GPC5: variants seen among roughly 807,000 people sequenced by gnomAD.
GPC5 encodes the protein glypican 5.
GPC5 carries 47 observed loss-of-function variants against 53.9 expected under a neutral mutation model. That is an observed-to-expected ratio of 0.87 (90% CI 0.69 to 1.11). GPC5 has a LOEUF of 1.11. GPC5 is among the 50% of genes most tolerant of loss of function. The pLI is 0.00. For synonymous variants in GPC5, 286 were observed against 263.3 expected (o/e 1.09, Z -0.84); for missense variants, 748 against 713.1 (o/e 1.05, Z -0.56).
chr13:91,972,401 G>T (rs1433589680), intron 6 of GPC5, among the ~76,000 whole-genome samples: 1 of 152,062 alleles, frequency 6.6e-6, no homozygotes, highest in African/African-American at 2.4e-5. Context: ...GCACACTGAT[G>T]GGTCTTGACT....
intron 1 of GPC5, among the ~76,000 whole-genome samples, chr13:91,412,140 C>T (rs559905036): frequency 1.3e-5 from 2 of 152,232 alleles, no homozygotes; most frequent in African/African-American, 2.4e-5. Flanking sequence ...TCCCCACCTA[C>T]GCTGTCAATT....
chr13:91,776,516 A>C (rs2037713354), intron 5 of GPC5, among the ~76,000 whole-genome samples: 1 of 152,202 alleles, frequency 6.6e-6, no homozygotes, highest in South Asian at 2.1e-4. Context: ...AACTCTATTA[A>C]AGAGGTGTCA....
chr13:92,114,682 C>G (rs1566441201), intron 6 of GPC5, among the ~76,000 whole-genome samples: 2 of 152,190 alleles, frequency 1.3e-5, no homozygotes, highest in African/African-American at 4.8e-5. Context: ...TACCTGGCCA[C>G]ACAGATACAC....
intron 2 of GPC5, among the ~76,000 whole-genome samples, chr13:91,586,901 C>T (rs146688901): frequency 6.6e-6 from 1 of 151,794 alleles, no homozygotes; most frequent in Non-Finnish European, 1.5e-5. Flanking sequence ...AATGTAAATA[C>T]ATTTAGACAT....
intron 7 of GPC5, among the ~76,000 whole-genome samples, chr13:92,444,178 A>C (rs1029161462): frequency 7.2e-5 from 11 of 152,316 alleles, no homozygotes; most frequent in African/African-American, 2.4e-4. Flanking sequence ...TTTTAAATAC[A>C]TACATAGGTA....
chr13:92,536,336 T>TA (rs1881721517), intron 7 of GPC5, among the ~76,000 whole-genome samples: 1 of 152,114 alleles, frequency 6.6e-6, no homozygotes, highest in Non-Finnish European at 1.5e-5. Context: ...TGTATACCAA[T>TA]AAAAAGTAGA....
At chr13:92,863,991 A>G (rs1317708910) in intron 7 of GPC5, among the ~76,000 whole-genome samples, 1 of 152,214 alleles carries the variant, frequency 6.6e-6, no homozygotes, top group Non-Finnish European at 1.5e-5. Context: ...TAATGTATTA[A>G]TACAATAAAT....
chr13:91,436,690 A>T (rs1390242749), intron 1 of GPC5, among the ~76,000 whole-genome samples: 1 of 152,160 alleles, frequency 6.6e-6, no homozygotes, highest in Admixed American at 6.5e-5. Flanking sequence ...AGTTCTGTAG[A>T]TGTCTGTTAG....
chr13:92,031,691 TATATA>T lies in GPC5; in HGVS notation c.1402-113133_1402-113129del, dbSNP rs71113783. 1.9e-3 allele frequency among the ~76,000 whole-genome samples: 68 copies of T among 36,718 alleles called. 5 individuals carry two copies. The highest frequency in any genetic ancestry group is 8.1e-3 in the African/African-American group (64 of 7,950). The allele number at this position is 36,718 out of a possible 152,430, so 24.1% of individuals were successfully genotyped here. ...TGGTATATATAATATATATATAGTA[TATATA>T]ATATATTATATATATTACATATATG... On this transcript the variant is annotated intron_variant, in intron 6 of 7. Transcript: ENST00000377067.
intron 6 of GPC5, among the ~76,000 whole-genome samples, chr13:91,978,924 T>C (rs2040332745): frequency 1.3e-5 from 2 of 152,048 alleles, no homozygotes; most frequent in Admixed American, 1.3e-4. Context: ...TTTGAGAAAG[T>C]ATTGACAGAA....
chr13:91,603,701 C>CT (rs536509587), intron 2 of GPC5, among the ~76,000 whole-genome samples: 11 of 151,778 alleles, frequency 7.2e-5, no homozygotes, highest in Non-Finnish European at 1.5e-4. Context: ...GTCATTTACT[C>CT]TTTTTTTTCA....
intron 5 of GPC5, among the ~76,000 whole-genome samples, chr13:91,788,741 A>G (rs1486498450): frequency 6.6e-6 from 1 of 152,216 alleles, no homozygotes; most frequent in Non-Finnish European, 1.5e-5. Context: ...TGTTAAGTGT[A>G]TAAATAGAGG....
At chr13:92,583,421 G>T (rs1323732454) in intron 7 of GPC5, among the ~76,000 whole-genome samples, 1 of 152,162 alleles carries the variant, frequency 6.6e-6, no homozygotes, top group Non-Finnish European at 1.5e-5. Context: ...TCAGAAAGCA[G>T]CTATCACAAA....
intron 7 of GPC5, among the ~76,000 whole-genome samples, chr13:92,786,368 G>A (rs939526249): frequency 1.3e-5 from 2 of 152,128 alleles, no homozygotes; most frequent in African/African-American, 4.8e-5. Context: ...TGGTTGAATA[G>A]TGTAGCTTGT....
intron 2 of GPC5, among the ~76,000 whole-genome samples, chr13:91,478,909 A>G (rs1201251172): frequency 1.4e-5 from 2 of 138,420 alleles, no homozygotes; most frequent in African/African-American, 2.7e-5. Context: ...ATATGCACAT[A>G]TATATATTCT....
At chr13:92,278,563 T>C (rs1306203380) in intron 7 of GPC5, among the ~76,000 whole-genome samples, 1 of 151,758 alleles carries the variant, frequency 6.6e-6, no homozygotes, top group Non-Finnish European at 1.5e-5. Context: ...TTCCCACTTA[T>C]TTATTTTTTC....
chr13:92,781,387 CT>C lies in GPC5; in HGVS notation c.1562-84892del, dbSNP rs568461971. ...TGATAGTTTTCTGGATATCTGATAC[CT>C]TTCTTTAAACACTTTAAAATTTCAC... On this transcript the variant is annotated intron_variant, in intron 7 of 7. Transcript: ENST00000377067. Among the ~76,000 whole-genome samples, 318 of 151,408 alleles carry C rather than the reference CT, an allele frequency of 2.1e-3. 1 individual carries two copies. The highest frequency in any genetic ancestry group is 7.2e-3 in the African/African-American group (296 of 41,246).
chr13:92,218,621 T>C (rs1286251369), intron 7 of GPC5, among the ~76,000 whole-genome samples: 2 of 152,162 alleles, frequency 1.3e-5, no homozygotes, highest in African/African-American at 2.4e-5. Context: ...TAAAGGTCCA[T>C]AAAAATCCCA....
At chr13:92,340,808 C>T (rs2043360001) in intron 7 of GPC5, among the ~76,000 whole-genome samples, 2 of 152,062 alleles carry the variant, frequency 1.3e-5, no homozygotes, top group South Asian at 2.1e-4. Flanking sequence ...TATAACAACC[C>T]AATCCGGTTT....
Sources: allele counts gnomAD v4.1 joint callset (sites outside exome capture counted in the v4.1 genomes callset), GRCh38; gene constraint gnomAD v4.1.1; transcripts MANE v1.5; gene names NCBI Gene and HGNC (gene_info 2026-07-23, HGNC 2026-07-21).